The following ASTN2 variants were observed in gnomAD, a reference collection of about 807,000 sequenced individuals.
The protein encoded by ASTN2 is astrotactin-2.
ASTN2 carries 54 observed loss-of-function variants against 139.8 expected under a neutral mutation model. That is an observed-to-expected ratio of 0.39 (90% CI 0.31 to 0.48). ASTN2 has a LOEUF of 0.48. ASTN2 is among the 20% of genes least tolerant of loss of function. ASTN2 has a pLI of 0.95. For missense variants in ASTN2, 1,565 were observed against 1,725.1 expected (o/e 0.91, Z 1.64); for synonymous variants, 756 against 719.5 (o/e 1.05, Z -0.81).
chr9:117,350,823 A>G (rs1829364948), intron 1 of ASTN2, among the ~76,000 whole-genome samples: 1 of 152,190 alleles, frequency 6.6e-6, no homozygotes, highest in Non-Finnish European at 1.5e-5. Context: ...ATATATGAAC[A>G]AAATGTCTAG....
chr9:117,153,794 G>A lies in ASTN2; in HGVS notation c.1016-12316C>T, dbSNP rs62564661. 4.3e-3 allele frequency among the ~76,000 whole-genome samples: 656 copies of A among 152,180 alleles called. 2 individuals carry two copies. The highest frequency in any genetic ancestry group is 7.9e-3 in the Admixed American group (121 of 15,284). On this transcript the variant is annotated intron_variant, in intron 3 of 22. Transcript: ENST00000313400. ...TCACCTGAAACTAGAGGTATCCCTCGTCAGTGGCATTAGAGACTGTTAACA... is the reference window on the plus strand; with the variant it reads ...TCACCTGAAACTAGAGGTATCCCTCATCAGTGGCATTAGAGACTGTTAACA...
At chr9:116,916,601 C>G (rs962232290) in intron 10 of ASTN2, among the ~76,000 whole-genome samples, 3 of 152,140 alleles carry the variant, frequency 2.0e-5, no homozygotes. Context: ...AATCCCACCA[C>G]TTTGGGAGGC....
intron 5 of ASTN2, among the ~76,000 whole-genome samples, chr9:117,056,776 G>C (rs1839076908): frequency 6.6e-6 from 1 of 152,182 alleles, no homozygotes; most frequent in Admixed American, 6.5e-5. Context: ...AATAAAGTTT[G>C]AAACTCAGCT....
intron 13 of ASTN2, among the ~76,000 whole-genome samples, chr9:116,733,987 G>A (rs1216646900): frequency 1.3e-5 from 2 of 152,092 alleles, no homozygotes; most frequent in Admixed American, 6.5e-5. Flanking sequence ...GCAGAACAAG[G>A]GGCAAGACTA....
chr9:116,687,339 G>A lies in ASTN2; in HGVS notation c.2807-35546C>T, dbSNP rs752864284. 992 of 909,894 alleles carry A rather than the reference G, an allele frequency of 1.1e-3. 1 individual carries two copies. Among genetic ancestry groups the A allele is most frequent in the Non-Finnish European group, 1.2e-3 (940 of 761,504 alleles). The allele number at this position is 909,894 out of a possible 1,614,324, so 56.4% of individuals were successfully genotyped here. ...CGCGTGCGCAGAGGGAGGCAGGCGGGTGGGCTGCCGGCGGTGGACTCGTCG... is the reference window on the plus strand; with the variant it reads ...CGCGTGCGCAGAGGGAGGCAGGCGGATGGGCTGCCGGCGGTGGACTCGTCG... On this transcript the variant is annotated intron_variant, in intron 16 of 22. Transcript: ENST00000313400.
At chr9:116,784,361 A>C (rs1830304460) in intron 13 of ASTN2, among the ~76,000 whole-genome samples, 1 of 152,246 alleles carries the variant, frequency 6.6e-6, no homozygotes, top group Non-Finnish European at 1.5e-5. Context: ...ATTAAAGAAA[A>C]GACAGCACTT....
chr9:117,255,257 A>C (rs1291067179), intron 2 of ASTN2, among the ~76,000 whole-genome samples: 1 of 152,222 alleles, frequency 6.6e-6, no homozygotes, highest in Non-Finnish European at 1.5e-5. Flanking sequence ...CTGTATATTT[A>C]TCGGATGCCT....
intron 10 of ASTN2, among the ~76,000 whole-genome samples, chr9:116,971,492 C>T (rs911742351): frequency 5.8e-4 from 88 of 152,340 alleles, no homozygotes; most frequent in African/African-American, 2.1e-3. Context: ...TCTATGTTTA[C>T]CACACATGTG....
intron 6 of ASTN2, among the ~76,000 whole-genome samples, chr9:117,023,552 ACTTT>A (rs1837957833): frequency 6.6e-6 from 1 of 152,148 alleles, no homozygotes; most frequent in South Asian, 2.1e-4. Context: ...ATGCTTACTT[ACTTT>A]ATTTTGCTAA....
chr9:117,131,978 T>C (rs1313628692), intron 4 of ASTN2, among the ~76,000 whole-genome samples: 1 of 152,198 alleles, frequency 6.6e-6, no homozygotes, highest in Non-Finnish European at 1.5e-5. Context: ...AACATGATTT[T>C]ATATGGTCAA....
chr9:117,333,045 T>C (rs1828763088), intron 1 of ASTN2, among the ~76,000 whole-genome samples: 1 of 152,192 alleles, frequency 6.6e-6, no homozygotes, highest in African/African-American at 2.4e-5. Context: ...AAAAATGTTC[T>C]AAAATTGACA....
intron 3 of ASTN2, among the ~76,000 whole-genome samples, chr9:117,185,787 A>C (rs1365385333): frequency 6.6e-6 from 1 of 152,172 alleles, no homozygotes; most frequent in African/African-American, 2.4e-5. Flanking sequence ...GGAAGCATAG[A>C]GAGGTTATTT....
intron 7 of ASTN2, among the ~76,000 whole-genome samples, chr9:117,001,357 T>G (rs1837186237): frequency 6.6e-6 from 1 of 152,156 alleles, no homozygotes; most frequent in Non-Finnish European, 1.5e-5. Flanking sequence ...TTCCCCAAAT[T>G]CTAATTCCTG....
At chr9:116,770,991 A>G (rs1457079554) in intron 13 of ASTN2, among the ~76,000 whole-genome samples, 1 of 152,194 alleles carries the variant, frequency 6.6e-6, no homozygotes, top group African/African-American at 2.4e-5. Flanking sequence ...GTGCTCCAGA[A>G]AGACCAAACC....
intron 22 of ASTN2, among the ~76,000 whole-genome samples, chr9:116,432,355 A>G (rs1340791858): frequency 1.3e-5 from 2 of 152,176 alleles, no homozygotes; most frequent in Non-Finnish European, 2.9e-5. Flanking sequence ...TAGTGTGCAC[A>G]TATCTTGGGA....
At chr9:116,475,419 G>A (rs916349002) in intron 20 of ASTN2, among the ~76,000 whole-genome samples, 37 of 143,952 alleles carry the variant, frequency 2.6e-4, no homozygotes, top group Non-Finnish European at 2.8e-4. Context: ...TGAGCATGGG[G>A]CTCTCACTGC....
intron 4 of ASTN2, among the ~76,000 whole-genome samples, chr9:117,113,206 A>G (rs1314500977): frequency 6.6e-6 from 1 of 152,228 alleles, no homozygotes; most frequent in African/African-American, 2.4e-5. Flanking sequence ...TACAACAACC[A>G]AATAACCCAG....
chr9:116,534,806 G>A (rs1269235446), intron 19 of ASTN2, among the ~76,000 whole-genome samples: 2 of 152,168 alleles, frequency 1.3e-5, no homozygotes, highest in South Asian at 4.1e-4. Flanking sequence ...TGGAATAAGT[G>A]CGATGTGGTG....
At chr9:116,555,183 T>G (rs1336658559) in intron 19 of ASTN2, among the ~76,000 whole-genome samples, 1 of 152,102 alleles carries the variant, frequency 6.6e-6, no homozygotes, top group Non-Finnish European at 1.5e-5. Context: ...AAAGTGCCCT[T>G]TAACTTTAGA....
Sources: gnomAD v4.1 joint callset for allele counts (sites outside exome capture counted in the v4.1 genomes callset) on GRCh38, gnomAD v4.1.1 for gene constraint, MANE v1.5 for transcripts, NCBI Gene and HGNC (gene_info 2026-07-23, HGNC 2026-07-21) for gene names.